KLHL13: variants seen among roughly 807,000 people sequenced by gnomAD.
KLHL13 encodes kelch-like protein 13.
Under a neutral mutation model 37.1 loss-of-function variants are expected in KLHL13, and 10 were observed. That is an observed-to-expected ratio of 0.27 (90% CI 0.17 to 0.46). The LOEUF is 0.46. Among genes scored for constraint, KLHL13 ranks in the 20% least tolerant of loss-of-function variants. The probability of loss-of-function intolerance (pLI) is 1.00; values close to 1 mark genes in which losing one functional copy is unlikely to be tolerated. For missense variants in KLHL13, 360 were observed against 509.3 expected, an observed-to-expected ratio of 0.71 and a Z score of 2.82; for synonymous variants, 163 against 181.2, an observed-to-expected ratio of 0.90 and a Z score of 0.81.
chrX:117,975,096 C>T (rs1450798866), upstream of KLHL13, among the ~76,000 whole-genome samples: 1 of 110,329 alleles, frequency 9.1e-6, no homozygotes. Context: ...CTGCAATAAT[C>T]CTTAATGGTT....
At chrX:118,109,939 C>T (rs137921357) in intron 1 of KLHL13, among the ~76,000 whole-genome samples, 1,559 of 111,272 alleles carry the variant, frequency 0.014, 27 homozygotes, top group African/African-American at 0.048. Context: ...TTTGGGAGGC[C>T]ACAGCATGAG....
At chrX:118,076,734 C>A (rs1193350841) in intron 1 of KLHL13, among the ~76,000 whole-genome samples, 1 of 110,273 alleles carries the variant, frequency 9.1e-6, no homozygotes, top group African/African-American at 3.3e-5. Flanking sequence ...CCTTTTCTGT[C>A]CCCCACCCCC....
intron 2 of KLHL13, among the ~76,000 whole-genome samples, chrX:117,943,502 T>C (rs148137789): frequency 0.092 from 10,085 of 109,769 alleles, 441 homozygotes; most frequent in African/African-American, 0.16. Flanking sequence ...TAGTCCCATA[T>C]TTCTTGGAGG....
intron 1 of KLHL13, among the ~76,000 whole-genome samples, chrX:117,981,573 A>G (rs756418495): frequency 1.2e-3 from 129 of 108,960 alleles, no homozygotes; most frequent in Non-Finnish European, 1.9e-3. Flanking sequence ...TAGCTAGCAT[A>G]CATTTATTCA....
chrX:118,091,695 G>A (rs1286926819), intron 1 of KLHL13, among the ~76,000 whole-genome samples: 1 of 110,909 alleles, frequency 9.0e-6, no homozygotes, highest in Non-Finnish European at 1.9e-5. Context: ...AGATAAGAAG[G>A]AGAGAGAAAG....
chrX:117,901,736 G>A (rs749535242), intron 6 of KLHL13, 97 bp downstream of exon 7: 81 of 404,022 alleles, frequency 2.0e-4, no homozygotes, highest in African/African-American at 1.8e-3. Flanking sequence ...AACTCCTGAC[G>A]CCTGAATTAT....
chrX:117,973,629 T>C (rs1272076533), exon 1 of KLHL13: 1 of 871,842 alleles, frequency 1.1e-6, no homozygotes, highest in Non-Finnish European at 1.4e-6. Flanking sequence ...TCCCTATTCT[T>C]ATTTCCAAGC....
chrX:118,082,005 G>A (rs928717871), intron 1 of KLHL13, among the ~76,000 whole-genome samples: 4 of 107,476 alleles, frequency 3.7e-5, no homozygotes, highest in African/African-American at 1.4e-4. Context: ...TCTTTATCCA[G>A]TCATCCTTTG....
chrX:117,959,180 C>T (rs1025661251), intron 1 of KLHL13, among the ~76,000 whole-genome samples: 8 of 111,868 alleles, frequency 7.2e-5, no homozygotes, highest in African/African-American at 1.9e-4. Context: ...CTACTTAAAA[C>T]CAAACCTTTG....
chrX:117,970,257 A>G (rs2053501952), intron 1 of KLHL13, among the ~76,000 whole-genome samples: 1 of 112,340 alleles, frequency 8.9e-6, no homozygotes. Context: ...GTAAGTAATG[A>G]TAAAACATTA....
At chrX:118,020,274 T>C (rs1436175869) in intron 1 of KLHL13, among the ~76,000 whole-genome samples, 1 of 111,418 alleles carries the variant, frequency 9.0e-6, no homozygotes, top group Non-Finnish European at 1.9e-5. Context: ...TGGAGTTCAC[T>C]CATGATTTGG....
chrX:118,031,862 G>A (rs187550241), intron 1 of KLHL13, among the ~76,000 whole-genome samples: 2,086 of 108,434 alleles, frequency 0.019, 49 homozygotes, highest in African/African-American at 0.065. Flanking sequence ...GCCAGTCAGT[G>A]GGTGCAGGCC....
intron 1 of KLHL13, among the ~76,000 whole-genome samples, chrX:118,058,107 T>C (rs1021692950): frequency 1.8e-5 from 2 of 111,402 alleles, no homozygotes; most frequent in Admixed American, 9.6e-5. Context: ...CCCAGGACTG[T>C]CTGATTTTAA....
At chrX:117,982,658 T>C (rs886591393) in intron 1 of KLHL13, among the ~76,000 whole-genome samples, 1 of 112,145 alleles carries the variant, frequency 8.9e-6, no homozygotes, top group Non-Finnish European at 1.9e-5. Flanking sequence ...TTATTTAAAA[T>C]GTAGATATCT....
upstream of KLHL13, among the ~76,000 whole-genome samples, chrX:117,976,760 A>G (rs1389838668): frequency 8.9e-6 from 1 of 112,046 alleles, no homozygotes; most frequent in Non-Finnish European, 1.9e-5. Flanking sequence ...GCATTTTATG[A>G]ACATTAACTA....
chrX:117,935,958 T>C lies in KLHL13; in HGVS notation c.240+9476A>G, dbSNP rs183186130. ...AATCCTGTGAATATACTAAAAGCCATTGATTTGCACAATAAATGGGTGAAT... is the reference window on the plus strand; with the variant it reads ...AATCCTGTGAATATACTAAAAGCCACTGATTTGCACAATAAATGGGTGAAT... On this transcript the variant is annotated intron_variant, in intron 2 of 6. Transcript: ENST00000262820. Among the ~76,000 whole-genome samples, 46 of 111,712 alleles carry C rather than the reference T, an allele frequency of 4.1e-4. 1 individual carries two copies. The Admixed American group carries it at 4.3e-3, about 10-fold the overall frequency.
chrX:118,095,547 G>A (rs182620164), intron 1 of KLHL13, among the ~76,000 whole-genome samples: 605 of 111,460 alleles, frequency 5.4e-3, no homozygotes, highest in Non-Finnish European at 9.5e-3. Context: ...GGACCTAACA[G>A]ACATCTACAG....
intron 1 of KLHL13, among the ~76,000 whole-genome samples, chrX:117,988,637 A>C (rs2053753892): frequency 8.9e-6 from 1 of 112,022 alleles, no homozygotes; most frequent in Admixed American, 9.5e-5. Context: ...AAATGAATGG[A>C]AATGTCATTT....
chrX:117,939,929 G>A (rs1188443114), intron 2 of KLHL13, among the ~76,000 whole-genome samples: 1 of 111,675 alleles, frequency 9.0e-6, no homozygotes, highest in Non-Finnish European at 1.9e-5. Context: ...TTGGTGTGCA[G>A]AAGCTCTTTA....
Sources: gnomAD v4.1 joint callset for allele counts (sites outside exome capture counted in the v4.1 genomes callset) on GRCh38, gnomAD v4.1.1 for gene constraint, MANE v1.5 for transcripts, NCBI Gene and HGNC (gene_info 2026-07-23, HGNC 2026-07-21) for gene names.